NTM: variants seen among roughly 807,000 people sequenced by gnomAD.
The protein encoded by NTM is neurotrimin.
A neutral mutation model predicts 42.1 loss-of-function variants in NTM; 13 were observed. That is an observed-to-expected ratio of 0.31 (90% confidence interval 0.20 to 0.49). The LOEUF (loss-of-function observed/expected upper bound fraction) is 0.49, where lower values mean the gene tolerates loss of function less well. Ranked by LOEUF, NTM falls within the 20% of genes least tolerant of loss-of-function variation. The probability of loss-of-function intolerance (pLI) is 0.99; values close to 1 mark genes in which losing one functional copy is unlikely to be tolerated. For missense variants in NTM, 373 were observed against 452.8 expected, an observed-to-expected ratio of 0.82 and a Z score of 1.60; for synonymous variants, 187 against 179.2, an observed-to-expected ratio of 1.04 and a Z score of -0.35.
At chr11:131,820,160 A>G (rs1441276703) in intron 1 of NTM, among the ~76,000 whole-genome samples, 2 of 152,214 alleles carry the variant, frequency 1.3e-5, no homozygotes, top group African/African-American at 4.8e-5. Flanking sequence ...TTCAACCACA[A>G]CAGCCTGGTG....
At chr11:131,516,715 T>C (rs1253098179) in intron 1 of NTM, among the ~76,000 whole-genome samples, 1 of 152,156 alleles carries the variant, frequency 6.6e-6, no homozygotes, top group Non-Finnish European at 1.5e-5. Flanking sequence ...TGAGAAAATA[T>C]GTATTGTATT....
intron 1 of NTM, among the ~76,000 whole-genome samples, chr11:131,393,783 G>C (rs1161983841): frequency 2.6e-5 from 4 of 152,184 alleles, no homozygotes; most frequent in African/African-American, 9.6e-5. Flanking sequence ...TCTTATCCCT[G>C]TGAAGCACTT....
intron 4 of NTM, among the ~76,000 whole-genome samples, chr11:132,262,878 G>T (rs1188881828): frequency 3.3e-5 from 5 of 152,150 alleles, no homozygotes; most frequent in African/African-American, 7.2e-5. Flanking sequence ...TCTTAATCAG[G>T]TGTGAGACAA....
At chr11:131,533,050 G>A (rs553138214) in intron 1 of NTM, among the ~76,000 whole-genome samples, 47 of 152,234 alleles carry the variant, frequency 3.1e-4, no homozygotes, top group Non-Finnish European at 6.0e-4. Context: ...CTGCCTTGCT[G>A]AGATGTGAGA....
At chr11:132,329,935 C>T (rs1460457018) in intron 7 of NTM, among the ~76,000 whole-genome samples, 2 of 152,220 alleles carry the variant, frequency 1.3e-5, no homozygotes, top group African/African-American at 2.4e-5. Flanking sequence ...CATCTGCTCA[C>T]CTCTTGAGGC....
chr11:131,795,273 T>A (rs1452194342), intron 1 of NTM: 1 of 502,032 alleles, frequency 2.0e-6, no homozygotes, highest in Non-Finnish European at 2.6e-6. Flanking sequence ...CATTTCTTCC[T>A]TATAGGGTTG....
intron 1 of NTM, among the ~76,000 whole-genome samples, chr11:131,448,528 T>C (rs1412719661): frequency 3.3e-5 from 5 of 152,236 alleles, no homozygotes; most frequent in African/African-American, 1.2e-4. Context: ...GAAGACCTTA[T>C]GGGTGCTCAT....
At chr11:132,249,849 A>G (rs769698262) in intron 4 of NTM, among the ~76,000 whole-genome samples, 5 of 152,238 alleles carry the variant, frequency 3.3e-5, no homozygotes, top group African/African-American at 4.8e-5. Flanking sequence ...ATGTCCAAAT[A>G]ATTTTAATTT....
At chr11:131,855,792 G>A (rs1300372140) in intron 1 of NTM, among the ~76,000 whole-genome samples, 1 of 152,020 alleles carries the variant, frequency 6.6e-6, no homozygotes, top group Non-Finnish European at 1.5e-5. Flanking sequence ...AGGTCTTTAA[G>A]CTCCCTACAC....
intron 3 of NTM, among the ~76,000 whole-genome samples, chr11:132,201,681 G>A (rs1319034342): frequency 6.6e-6 from 1 of 152,094 alleles, no homozygotes; most frequent in Non-Finnish European, 1.5e-5. Context: ...CATCAGGGTT[G>A]GTTTTTACAG....
intron 2 of NTM, among the ~76,000 whole-genome samples, chr11:132,067,563 A>C (rs1040445701): frequency 6.6e-6 from 1 of 152,240 alleles, no homozygotes; most frequent in Non-Finnish European, 1.5e-5. Context: ...TGGCAGAATA[A>C]GCATAGAATA....
At chr11:131,963,908 T>G (rs2062514022) in intron 2 of NTM, among the ~76,000 whole-genome samples, 1 of 152,052 alleles carries the variant, frequency 6.6e-6, no homozygotes, top group Non-Finnish European at 1.5e-5. Context: ...AGTGTTAGAG[T>G]CAGAATCCAA....
intron 1 of NTM, among the ~76,000 whole-genome samples, chr11:131,519,248 C>T (rs1444170874): frequency 1.3e-5 from 2 of 152,236 alleles, no homozygotes; most frequent in African/African-American, 2.4e-5. Context: ...TCACTGGGAC[C>T]TAGAACCTGC....
intron 1 of NTM, among the ~76,000 whole-genome samples, chr11:131,576,544 G>C (rs911221360): frequency 2.0e-5 from 3 of 152,120 alleles, no homozygotes; most frequent in Non-Finnish European, 4.4e-5. Context: ...TAGACACACT[G>C]GAGAGGCTCT....
chr11:131,783,637 C>A (rs968656665), intron 1 of NTM, among the ~76,000 whole-genome samples: 1 of 151,990 alleles, frequency 6.6e-6, no homozygotes, highest in African/African-American at 2.4e-5. Flanking sequence ...CACAAAAACT[C>A]AACTCAAAAT....
At chr11:131,789,696 C>T (rs1169426838) in intron 1 of NTM, among the ~76,000 whole-genome samples, 4 of 150,502 alleles carry the variant, frequency 2.7e-5, no homozygotes, top group Non-Finnish European at 5.9e-5. Context: ...GTGGCTCTCG[C>T]CTGTAATCCC....
chr11:132,048,043 T>C (rs2078264746), intron 2 of NTM, among the ~76,000 whole-genome samples: 2 of 152,120 alleles, frequency 1.3e-5, no homozygotes, highest in South Asian at 2.1e-4. Context: ...CGTGTGTACA[T>C]GGGCTCATGC....
At chr11:131,942,504 T>G (rs756972641) in intron 2 of NTM, among the ~76,000 whole-genome samples, 17 of 152,164 alleles carry the variant, frequency 1.1e-4, no homozygotes, top group Non-Finnish European at 2.4e-4. Context: ...AAAGGCACCC[T>G]TTCTCTGGGC....
chr11:131,882,877 T>C (rs1285455694), intron 1 of NTM, among the ~76,000 whole-genome samples: 1 of 145,122 alleles, frequency 6.9e-6, no homozygotes, highest in East Asian at 3.1e-4. Context: ...TACTTCACTG[T>C]TTTTTTTTCT....
Sources: allele counts gnomAD v4.1 joint callset (sites outside exome capture counted in the v4.1 genomes callset), GRCh38; gene constraint gnomAD v4.1.1; transcripts MANE v1.5; gene names NCBI Gene and HGNC (gene_info 2026-07-23, HGNC 2026-07-21).